TRPC3: variants seen among roughly 807,000 people sequenced by gnomAD.
The protein encoded by TRPC3 is short transient receptor potential channel 3.
A neutral mutation model predicts 90.9 loss-of-function variants in TRPC3; 54 were observed. That is an observed-to-expected ratio of 0.59 (90% CI 0.48 to 0.75). TRPC3 has a LOEUF of 0.75. TRPC3 is among the 30% of genes least tolerant of loss of function. The pLI, the probability that TRPC3 is intolerant of heterozygous loss-of-function variation, is 0.00. For synonymous variants in TRPC3, 424 were observed against 450.9 expected (o/e 0.94, Z 0.75); for missense variants, 918 against 1,194.5 (o/e 0.77, Z 3.41).
chr4:121,903,099 T>C (rs202157816), intron 8 of TRPC3, 38 bp from the exon 9 acceptor site: 53 of 1,545,978 alleles, frequency 3.4e-5, no homozygotes, highest in Non-Finnish European at 4.5e-5. Flanking sequence ...TAATTTTAAA[T>C]GCTAAATATT....
chr4:121,880,085 A>G (rs921075744), intron 11 of TRPC3, among the ~76,000 whole-genome samples: 4 of 152,172 alleles, frequency 2.6e-5, no homozygotes, highest in Non-Finnish European at 5.9e-5. Context: ...TAGTCCAGCT[A>G]TATTTTTTAA....
chr4:121,930,030 T>A (rs1240233158), intron 2 of TRPC3, among the ~76,000 whole-genome samples: 1 of 152,126 alleles, frequency 6.6e-6, no homozygotes, highest in Non-Finnish European at 1.5e-5. Flanking sequence ...GTCAGTGCTA[T>A]GAAAGCACTA....
intron 1 of TRPC3, among the ~76,000 whole-genome samples, chr4:121,940,588 A>T (rs2149150087): frequency 6.6e-6 from 1 of 152,322 alleles, no homozygotes; most frequent in South Asian, 2.1e-4. Flanking sequence ...TCAGTGGTCC[A>T]GTTTACATTA....
chr4:121,919,209 AC>A (rs1408594353), intron 3 of TRPC3, among the ~76,000 whole-genome samples: 3 of 152,222 alleles, frequency 2.0e-5, no homozygotes, highest in African/African-American at 7.2e-5. Flanking sequence ...GCTAGGGAAA[AC>A]AATCAAATTT....
intron 3 of TRPC3, among the ~76,000 whole-genome samples, chr4:121,923,659 G>T (rs1168668911): frequency 3.9e-5 from 6 of 152,164 alleles, no homozygotes; most frequent in Non-Finnish European, 7.4e-5. Context: ...TACAACTATT[G>T]TCTTCACTTT....
chr4:121,894,887 C>T (rs1728466475), intron 10 of TRPC3, among the ~76,000 whole-genome samples: 2 of 152,046 alleles, frequency 1.3e-5, no homozygotes, highest in African/African-American at 4.8e-5. Flanking sequence ...GCACGTGGTA[C>T]ATTCTCTATG....
chr4:121,949,685 A>G (rs551766095), intron 1 of TRPC3, among the ~76,000 whole-genome samples: 4 of 152,340 alleles, frequency 2.6e-5, no homozygotes, highest in African/African-American at 4.8e-5. Flanking sequence ...TTTTTAATGT[A>G]TATCTCCTTA....
intron 7 of TRPC3, among the ~76,000 whole-genome samples, chr4:121,906,643 A>T (rs1188344506): frequency 2.0e-5 from 3 of 152,084 alleles, no homozygotes; most frequent in Non-Finnish European, 4.4e-5. Flanking sequence ...GGGAGGGTTT[A>T]TGACCTTCCC....
rs1175407800 is a variant in TRPC3, at chr4:121,874,799, A to G, written c.*4937T>C. On this transcript the variant is annotated 3_prime_UTR_variant, in exon 12 of 12. Transcript: ENST00000379645. ...GTTTTGAGGGGACACAATTCAGCCC[A>G]TAACAGAAGGAAACTGATCTCAAAA... Among the ~76,000 whole-genome samples, 1 of 152,186 alleles carries G rather than the reference A, an allele frequency of 6.6e-6. No individual in the cohort carries two copies. Among genetic ancestry groups the G allele is most frequent in the African/African-American group, 2.4e-5 (1 of 41,452 alleles).
intron 10 of TRPC3, among the ~76,000 whole-genome samples, chr4:121,897,844 C>T (rs76977211): frequency 0.03 from 4,501 of 152,254 alleles, 95 homozygotes; most frequent in East Asian, 0.052. Flanking sequence ...AAAGAGACAA[C>T]TGCACCCACA....
intron 3 of TRPC3, among the ~76,000 whole-genome samples, chr4:121,919,716 A>T (rs1729438881): frequency 6.6e-6 from 1 of 152,178 alleles, no homozygotes; most frequent in Admixed American, 6.5e-5. Context: ...ATACTGCTGC[A>T]TGTTTCTTTT....
intron 1 of TRPC3, among the ~76,000 whole-genome samples, chr4:121,934,986 T>C (rs1464311148): frequency 6.6e-6 from 1 of 152,194 alleles, no homozygotes; most frequent in Non-Finnish European, 1.5e-5. Context: ...ATAAACATAT[T>C]TGTTTTATAT....
intron 3 of TRPC3, among the ~76,000 whole-genome samples, chr4:121,923,710 C>T (rs1000117544): frequency 3.1e-4 from 47 of 152,280 alleles, no homozygotes; most frequent in African/African-American, 1.1e-3. Flanking sequence ...AGGTGACTTG[C>T]TCATGGTCAC....
At chr4:121,900,605 T>TG (rs1403732940) in intron 9 of TRPC3, among the ~76,000 whole-genome samples, 1 of 152,188 alleles carries the variant, frequency 6.6e-6, no homozygotes, top group Admixed American at 6.5e-5. Flanking sequence ...CTGACTGAGG[T>TG]TAGCTGTCTA....
At chr4:121,912,858 C>T (rs1246780338) in intron 4 of TRPC3, among the ~76,000 whole-genome samples, 4 of 152,182 alleles carry the variant, frequency 2.6e-5, no homozygotes, top group Non-Finnish European at 2.9e-5. Flanking sequence ...CCCACGTTCC[C>T]GTGAAAATGA....
chr4:121,926,054 T>C (rs1276553893), intron 2 of TRPC3, among the ~76,000 whole-genome samples: 1 of 152,154 alleles, frequency 6.6e-6, no homozygotes, highest in Non-Finnish European at 1.5e-5. Context: ...TCAACTGTGT[T>C]AAAAACACCA....
intron 2 of TRPC3, among the ~76,000 whole-genome samples, chr4:121,926,418 T>A (rs1729715183): frequency 6.6e-6 from 1 of 152,034 alleles, no homozygotes; most frequent in African/African-American, 2.4e-5. Context: ...TTTCTTTTTT[T>A]TTTTTTTAGA....
intron 5 of TRPC3, 46 bp from the exon 6 acceptor site, chr4:121,910,433 G>T: frequency 6.7e-7 from 1 of 1,485,994 alleles, no homozygotes; most frequent in South Asian, 1.1e-5. Flanking sequence ...TTACAGGCCA[G>T]ACTGAGAAGC....
rs1169085054 is a variant in TRPC3, at chr4:121,951,476, C to G, written c.205G>C (p.Gly69Arg). The change falls in exon 1 of 12, where the codon GGG becomes CGG. Residue 69 changes from glycine to arginine, a missense_variant. Gly to Arg is a moderately radical substitution (Grantham distance 125). Around this residue, in one of 4 missense-constraint regions of TRPC3, gnomAD observed 609 missense variants for 725.9 expected, o/e 0.84. Coordinates refer to ENST00000379645, the MANE Select transcript of TRPC3 (RefSeq NM_001130698.2). The surrounding 1 kb of genome is among the most constrained non-coding windows in gnomAD (Gnocchi z 4.4). ...GGGCCCGGTACTCACAGGTCCGGCC[C>G]GTGGGAGAAGGGCGGCGGGCAGTAG... The part of the protein sequence containing the change: ...HGYCPPPFSH[G>R]PDLSMEGSPS... 15 of 1,314,330 alleles carry G rather than the reference C, an allele frequency of 1.1e-5. No individual in the cohort carries two copies. Among genetic ancestry groups the G allele is most frequent in the Non-Finnish European group, 1.9e-6 (2 of 1,033,704 alleles). 81.4% of individuals were successfully genotyped at this position (1,314,330 alleles called of 1,614,324 possible). A position where few individuals can be genotyped will look rare whatever the true frequency, so the allele number is the denominator to read the frequency against.
Sources: gnomAD v4.1 joint callset for allele counts (sites outside exome capture counted in the v4.1 genomes callset) on GRCh38, gnomAD v4.1.1 for gene constraint, gnomAD v4.1.1 regional missense constraint, Gnocchi (gnomAD v3.1) non-coding constraint, MANE v1.5 for transcripts, NCBI Gene and HGNC (gene_info 2026-07-23, HGNC 2026-07-21) for gene names.